The following MAP2K5 variants were observed in gnomAD, a reference collection of about 807,000 sequenced individuals.
MAP2K5 encodes dual specificity mitogen-activated protein kinase kinase 5.
A neutral mutation model predicts 83.1 loss-of-function variants in MAP2K5; 49 were observed. The observed-to-expected ratio is 0.59, with a 90% CI of 0.47 to 0.75. The LOEUF (loss-of-function observed/expected upper bound fraction) is 0.75. Ranked by LOEUF, MAP2K5 falls within the 30% of genes least tolerant of loss-of-function variation. MAP2K5 has a pLI of 0.00. For synonymous variants in MAP2K5, 202 were observed against 191.8 expected, an observed-to-expected ratio of 1.05 and a Z score of -0.44; for missense variants, 457 against 557.5, an observed-to-expected ratio of 0.82 and a Z score of 1.82.
At position 67,779,024 on chromosome 15, in the gene MAP2K5, C is replaced by G. The variant is rs1369829465; in HGVS notation, c.1242+6272C>G. ...GCCAGACTCCTAATGTGTCTGGCCA[C>G]TCATTCTTGTAAACATCATTTTGTT... is the stretch of plus-strand genomic sequence containing the variant. On this transcript the variant is annotated intron_variant, in intron 21 of 21. Transcript: ENST00000178640. This position sits in a 1 kb window ranked among gnomAD's most constrained non-coding sequence, Gnocchi z 4.6. Among the ~76,000 whole-genome samples, 1 of 152,200 alleles carries G rather than the reference C, an allele frequency of 6.6e-6. No homozygotes were observed. Among genetic ancestry groups the G allele is most frequent in the Non-Finnish European group, 1.5e-5 (1 of 68,034 alleles).
intron 11 of MAP2K5, among the ~76,000 whole-genome samples, chr15:67,647,125 C>A (rs992612004): frequency 2.0e-5 from 3 of 152,040 alleles, no homozygotes; most frequent in Admixed American, 2.0e-4. Flanking sequence ...TTCAGTTTTC[C>A]ATAGTCTAGT....
chr15:67,591,802 T>A (rs2085417525), intron 6 of MAP2K5, among the ~76,000 whole-genome samples: 1 of 152,006 alleles, frequency 6.6e-6, no homozygotes, highest in African/African-American at 2.4e-5. Context: ...TCCCCTTGAC[T>A]ACCATTTTTC....
In MAP2K5 at chr15:67,783,137, A is replaced by G. The variant is rs1286630001; in HGVS notation, c.1242+10385A>G. 6.6e-6 allele frequency among the ~76,000 whole-genome samples: 1 copy of G among 152,144 alleles called. No individual in the cohort carries two copies. The highest frequency in any genetic ancestry group is 2.4e-5 in the African/African-American group (1 of 41,420). The stretch of plus-strand genomic sequence containing the variant: ...ATTTCAGTCTGCACTCGCCATTTTT[A>G]TGTCTTAGCATCTGCTCTGTGCCCA... On this transcript the variant is annotated intron_variant, in intron 21 of 21. Transcript: ENST00000178640. The surrounding 1 kb of genome is among the most constrained non-coding windows in gnomAD (Gnocchi z 5.1).
intron 13 of MAP2K5, among the ~76,000 whole-genome samples, chr15:67,678,704 G>A (rs929241250): frequency 6.6e-6 from 1 of 152,224 alleles, no homozygotes; most frequent in East Asian, 1.9e-4. Context: ...AGTGGCTCAC[G>A]CCTGTAATCC....
rs550095164 is a variant in MAP2K5 at position 67,711,826 on chromosome 15, A to G, written c.1044+8418A>G. ...CAATCTGATATATTGTAAACACCCA[A>G]AGGGTCAGGAATTGGTGGGACGAGA... is the stretch of plus-strand genomic sequence containing the variant. On this transcript the variant is annotated intron_variant, in intron 16 of 21. Transcript: ENST00000178640. Among the ~76,000 whole-genome samples, 21 of 152,366 alleles carry G rather than the reference A, an allele frequency of 1.4e-4. No homozygotes were observed. In the East Asian group the frequency reaches 2.9e-3, roughly 21 times the overall value.
At chr15:67,545,398 A>G (rs904925111) in intron 1 of MAP2K5, among the ~76,000 whole-genome samples, 1 of 152,234 alleles carries the variant, frequency 6.6e-6, no homozygotes, top group Non-Finnish European at 1.5e-5. Context: ...TGGACAGAAC[A>G]CTAGGTTTAG....
At chr15:67,628,089 G>C (rs919701205) in intron 8 of MAP2K5, 5 of 754,718 alleles carry the variant, frequency 6.6e-6, no homozygotes, top group Admixed American at 3.5e-5. Flanking sequence ...CAAGGTGGAC[G>C]GAAGAGCTGT....
chr15:67,627,959 TG>T, intron 8 of MAP2K5: 1 of 774,952 alleles, frequency 1.3e-6, no homozygotes, highest in Non-Finnish European at 2.2e-6. Flanking sequence ...TTTTAAGCAA[TG>T]GGGAACACTC....
intron 17 of MAP2K5, among the ~76,000 whole-genome samples, chr15:67,734,464 T>C (rs1370562573): frequency 6.6e-6 from 1 of 152,176 alleles, no homozygotes; most frequent in Non-Finnish European, 1.5e-5. Context: ...CAGAATAGAG[T>C]AGAAAGCATA....
rs2084758304 is a variant in MAP2K5 at position 67,562,598 on chromosome 15, C to A, written c.185-685C>A. On this transcript the variant is annotated intron_variant, in intron 2 of 21. Coordinates refer to ENST00000178640, the MANE Select transcript of MAP2K5 (RefSeq NM_145160.3). This position sits in a 1 kb window ranked among gnomAD's most constrained non-coding sequence, Gnocchi z 4.1. Reference sequence around the variant, plus strand: ...AAAATAGCATGAATAGCATTTGAAGCTTTCTATGGCTGGAGAGTATGCAAA... The same window carrying A: ...AAAATAGCATGAATAGCATTTGAAGATTTCTATGGCTGGAGAGTATGCAAA... Among the ~76,000 whole-genome samples the A allele has an allele frequency of 6.6e-6, 1 of 152,116 alleles. No individual in the cohort carries two copies. The highest frequency in any genetic ancestry group is 1.5e-5 in the Non-Finnish European group (1 of 68,024).
At chr15:67,647,321 A>C (rs1402315538) in intron 11 of MAP2K5, among the ~76,000 whole-genome samples, 1 of 152,210 alleles carries the variant, frequency 6.6e-6, no homozygotes, top group Non-Finnish European at 1.5e-5. Flanking sequence ...AAAATCTTAC[A>C]GCCATATAGG....
In MAP2K5 at chr15:67,637,384, C is replaced by A. The variant is rs1032859763; in HGVS notation, c.585+6457C>A. Among the ~76,000 whole-genome samples, 3 of 152,100 alleles carry A rather than the reference C, an allele frequency of 2.0e-5. No homozygotes were observed. The highest frequency in any genetic ancestry group is 7.2e-5 in the African/African-American group (3 of 41,404). On this transcript the variant is annotated intron_variant, in intron 9 of 21. Transcript: ENST00000178640. The surrounding 1 kb of genome is among the most constrained non-coding windows in gnomAD (Gnocchi z 4.5). ...TGCTTTTAAGTTTTATTAGACAGTACCAGCCCAGTGGTTAGTCTAGAACTA... is the reference window on the plus strand; with the variant it reads ...TGCTTTTAAGTTTTATTAGACAGTAACAGCCCAGTGGTTAGTCTAGAACTA...
rs117130911 is a variant in MAP2K5 at position 67,678,000 on chromosome 15, C to T, written c.847+13355C>T. Among the ~76,000 whole-genome samples, 2,836 of 152,194 alleles carry T rather than the reference C, an allele frequency of 0.019. 36 individuals are homozygous for T. The highest frequency in any genetic ancestry group is 0.028 in the Non-Finnish European group (1,927 of 68,004). ...TTGCAAGAATATTTGGATGACCTAC[C>T]CTTTCTTATGTGATGGAGTCATTAG... On this transcript the variant is annotated intron_variant, in intron 13 of 21. Coordinates refer to ENST00000178640, the MANE Select transcript of MAP2K5 (RefSeq NM_145160.3). The surrounding 1 kb of genome is among the most constrained non-coding windows in gnomAD (Gnocchi z 4.2).
intron 21 of MAP2K5, among the ~76,000 whole-genome samples, chr15:67,773,656 T>C (rs919497017): frequency 6.6e-6 from 1 of 152,230 alleles, no homozygotes; most frequent in African/African-American, 2.4e-5. Context: ...CCTTTTTGCA[T>C]CATGAATGCT....
rs1271282820 is a variant in MAP2K5 at position 67,778,043 on chromosome 15, G to A, written c.1242+5291G>A. 6.6e-6 allele frequency among the ~76,000 whole-genome samples: 1 copy of A among 152,188 alleles called. No homozygotes were observed. The highest frequency in any genetic ancestry group is 1.5e-5 in the Non-Finnish European group (1 of 68,028). On this transcript the variant is annotated intron_variant, in intron 21 of 21. Transcript: ENST00000178640. The surrounding 1 kb of genome is among the most constrained non-coding windows in gnomAD (Gnocchi z 5.0). ...TTTTTTCCTTCATGTCATCCCAGCA[G>A]CTGCAAACTTGAAGGCATCTCATTT... is the stretch of plus-strand genomic sequence containing the variant.
rs533587533 is a variant in MAP2K5 at position 67,574,214 on chromosome 15, A to G, written c.253-6540A>G. Among the ~76,000 whole-genome samples, 55 of 152,286 alleles carry G rather than the reference A, an allele frequency of 3.6e-4. 1 individual carries two copies. In the South Asian group the frequency reaches 9.3e-3, roughly 26 times the overall value. ...TAGGGGGCTGTTCCTTGTGAAAGAC[A>G]ATGGTGGTCACTGGACTGGTGAGAA... On this transcript the variant is annotated intron_variant, in intron 3 of 21. Transcript: ENST00000178640.
Position 67,599,550 on chromosome 15 carries a change from G to T in MAP2K5, c.481-1135G>T, listed in dbSNP as rs574288194. Among the ~76,000 whole-genome samples, 3 of 152,330 alleles carry T rather than the reference G, an allele frequency of 2.0e-5. No homozygotes were observed. The East Asian group carries it at 5.8e-4, about 29-fold the overall frequency. ...CCCTTGCTTTATTCAATTGGTGGAA[G>T]TTTAGAGTAGAGCAAAATATTTAAA... On this transcript the variant is annotated intron_variant, in intron 7 of 21. Transcript: ENST00000178640.
chr15:67,597,440 C>G (rs1332097845), intron 7 of MAP2K5, among the ~76,000 whole-genome samples: 2 of 152,154 alleles, frequency 1.3e-5, no homozygotes, highest in African/African-American at 4.8e-5. Context: ...CTGGAGTATA[C>G]TGAAAGACTG....
intron 21 of MAP2K5, among the ~76,000 whole-genome samples, chr15:67,798,712 A>G (rs1168031150): frequency 2.0e-5 from 3 of 152,226 alleles, no homozygotes; most frequent in East Asian, 3.8e-4. Context: ...TAATAATTGA[A>G]TATTTGGGGA....
Sources: allele counts gnomAD v4.1 joint callset (sites outside exome capture counted in the v4.1 genomes callset), GRCh38; gene constraint gnomAD v4.1.1; non-coding constraint Gnocchi (gnomAD v3.1); transcripts MANE v1.5; gene names NCBI Gene and HGNC (gene_info 2026-07-23, HGNC 2026-07-21).